Variants in GNAO1 observed in about 807,000 individuals in gnomAD.
The protein encoded by GNAO1 is G protein subunit alpha o1, also known as guanine nucleotide-binding protein G(o) subunit alpha.
For missense variants in GNAO1, 166 were observed against 478.7 expected (o/e 0.35, Z 6.10); for synonymous variants, 164 against 180.7 (o/e 0.91, Z 0.74).
At chr16:56,292,247 C>G (rs2037239933) in intron 3 of GNAO1, among the ~76,000 whole-genome samples, 1 of 152,204 alleles carries the variant, frequency 6.6e-6, no homozygotes, top group Non-Finnish European at 1.5e-5. Flanking sequence ...GAGCATCTCC[C>G]TGTGCCCACG....
chr16:56,324,056 A>G (rs1374604000), intron 3 of GNAO1, among the ~76,000 whole-genome samples: 1 of 151,888 alleles, frequency 6.6e-6, no homozygotes, highest in African/African-American at 2.4e-5. Flanking sequence ...CCAGCACAGG[A>G]CCCCTCCCCG....
At chr16:56,277,095 T>C (rs1449246725) in intron 3 of GNAO1, 1 of 152,260 alleles carries the variant, frequency 6.6e-6, no homozygotes, top group Non-Finnish European at 1.5e-5. Context: ...TGATATGTAA[T>C]GCACAAAATC....
chr16:56,204,671 A>G lies in GNAO1; in HGVS notation c.161+12055A>G, dbSNP rs573716112. Among the ~76,000 whole-genome samples, 12 of 152,318 alleles carry G rather than the reference A, an allele frequency of 7.9e-5. No individual in the cohort carries two copies. In the East Asian group the frequency reaches 2.1e-3, roughly 27 times the overall value. On this transcript the variant is annotated intron_variant, in intron 2 of 8. Coordinates refer to ENST00000262493, the MANE Select transcript of GNAO1 (RefSeq NM_020988.3). Reference sequence around the variant, plus strand: ...AGTTAGATAGTACTGAGGAAAGACCATTGTATTTGAAGCTATTGCGGGCTT... The same window carrying G: ...AGTTAGATAGTACTGAGGAAAGACCGTTGTATTTGAAGCTATTGCGGGCTT...
intron 2 of GNAO1, among the ~76,000 whole-genome samples, chr16:56,195,449 C>A (rs1020147390): frequency 6.6e-6 from 1 of 152,206 alleles, no homozygotes; most frequent in Non-Finnish European, 1.5e-5. Context: ...TCCTCCCTTG[C>A]AGAGATGGTT....
rs560378562 is a variant in GNAO1 at position 56,288,928 on chromosome 16, TC to T, written c.303+12861del. Reference sequence around the variant, plus strand: ...GAGGAACGACACCGAAGATCGCCCCTCCCCCACCCTACCTCCTTTTTAGTTC... The same window carrying T: ...GAGGAACGACACCGAAGATCGCCCCTCCCCACCCTACCTCCTTTTTAGTTC... On this transcript the variant is annotated intron_variant, in intron 3 of 8. Coordinates refer to ENST00000262493, the MANE Select transcript of GNAO1 (RefSeq NM_020988.3). 2.1e-4 allele frequency among the ~76,000 whole-genome samples: 31 copies of T among 150,240 alleles called. No homozygotes were observed. The East Asian group carries it at 5.4e-3, about 26-fold the overall frequency.
At chr16:56,350,920 C>T (rs550580976) in intron 6 of GNAO1, among the ~76,000 whole-genome samples, 39 of 152,112 alleles carry the variant, frequency 2.6e-4, no homozygotes, top group South Asian at 2.3e-3. Flanking sequence ...CACACAGGCA[C>T]GCACACACAC....
intron 3 of GNAO1, among the ~76,000 whole-genome samples, chr16:56,289,039 G>GT (rs1339425782): frequency 6.6e-6 from 1 of 152,088 alleles, no homozygotes; most frequent in African/African-American, 2.4e-5. Context: ...AAAAAGGGGG[G>GT]GGGAGCGGAA....
intron 4 of GNAO1, chr16:56,329,008 C>T: frequency 1.8e-6 from 1 of 547,084 alleles, no homozygotes; most frequent in Admixed American, 3.2e-5. Flanking sequence ...GCAGAGGACG[C>T]AAGAGACAAC....
intron 2 of GNAO1, among the ~76,000 whole-genome samples, chr16:56,235,960 AG>A (rs2036633551): frequency 1.3e-5 from 2 of 152,176 alleles, no homozygotes; most frequent in South Asian, 4.1e-4. Context: ...ATTTTCACAA[AG>A]GGGGATCAAG....
intron 2 of GNAO1, among the ~76,000 whole-genome samples, chr16:56,241,682 T>C (rs1250874938): frequency 3.3e-5 from 5 of 152,362 alleles, no homozygotes; most frequent in African/African-American, 1.2e-4. Context: ...TGGTATAGGC[T>C]ATGGCCAAAA....
chr16:56,263,423 A>G (rs1324442351), intron 2 of GNAO1, among the ~76,000 whole-genome samples: 2 of 152,200 alleles, frequency 1.3e-5, no homozygotes, highest in Admixed American at 1.3e-4. Context: ...GCTCACGTCG[A>G]TATGTGGGGA....
intron 3 of GNAO1, among the ~76,000 whole-genome samples, chr16:56,310,828 G>T (rs1320376494): frequency 6.6e-6 from 1 of 152,096 alleles, no homozygotes; most frequent in African/African-American, 2.4e-5. Context: ...AGGTGTTCTT[G>T]GTGGGTGGGT....
chr16:56,339,129 C>CA (rs2037772600), intron 6 of GNAO1, among the ~76,000 whole-genome samples: 1 of 152,258 alleles, frequency 6.6e-6, no homozygotes, highest in Admixed American at 6.5e-5. Context: ...GCCGTGGTGG[C>CA]AGCAAGAACA....
chr16:56,225,129 G>A (rs1222873348), intron 2 of GNAO1, among the ~76,000 whole-genome samples: 3 of 152,214 alleles, frequency 2.0e-5, no homozygotes, highest in African/African-American at 7.2e-5. Flanking sequence ...GGCAGCCACA[G>A]GAAAAGCCAT....
intron 3 of GNAO1, among the ~76,000 whole-genome samples, chr16:56,281,414 TCTC>T (rs1432230604): frequency 1.3e-5 from 2 of 152,102 alleles, no homozygotes; most frequent in African/African-American, 4.8e-5. Flanking sequence ...TGGACCCTCT[TCTC>T]CACCCCAGCG....
At chr16:56,290,040 T>G (rs1219822856) in intron 3 of GNAO1, among the ~76,000 whole-genome samples, 1 of 152,244 alleles carries the variant, frequency 6.6e-6, no homozygotes, top group African/African-American at 2.4e-5. Flanking sequence ...CCTTATCTCC[T>G]GTAGCTCCTG....
chr16:56,352,213 C>T (rs1414062199), intron 7 of GNAO1: 3 of 152,778 alleles, frequency 2.0e-5, no homozygotes, highest in African/African-American at 7.2e-5. Context: ...CTTTCTTCTG[C>T]CTTCTCTGGG....
rs139675970 is a variant in GNAO1 at position 56,287,782 on chromosome 16, G to T, written c.303+11710G>T. On this transcript the variant is annotated intron_variant, in intron 3 of 8. Coordinates refer to ENST00000262493, the MANE Select transcript of GNAO1 (RefSeq NM_020988.3). ...ACCTGCCCTCTTGCTGGCTTTGCAGGAGTGGAGCTGAGGAGAGCTGCTTCT... is the reference window on the plus strand; with the variant it reads ...ACCTGCCCTCTTGCTGGCTTTGCAGTAGTGGAGCTGAGGAGAGCTGCTTCT... 2.1e-3 allele frequency among the ~76,000 whole-genome samples: 325 copies of T among 152,254 alleles called. 4 individuals are homozygous for T. Among genetic ancestry groups the T allele is most frequent in the African/African-American group, 7.5e-3 (311 of 41,558 alleles).
rs2037854238 is a variant in GNAO1 at position 56,345,242 on chromosome 16, C to T, written c.724-6142C>T. 5 of 985,402 alleles carry T rather than the reference C, an allele frequency of 5.1e-6. No individual in the cohort carries two copies. In the African/African-American group the frequency reaches 7.0e-5, roughly 14 times the overall value. 61.0% of individuals were successfully genotyped at this position (985,402 alleles called of 1,614,324 possible). On this transcript the variant is annotated intron_variant, in intron 6 of 8. Coordinates refer to ENST00000262493, the MANE Select transcript of GNAO1 (RefSeq NM_020988.3). The stretch of plus-strand genomic sequence containing the variant: ...TCCAGGTGGCTGAGGCCAACGCCCA[C>T]ACCCAGGCCAGTCGTGTGCTTGTAC...
Sources: allele counts gnomAD v4.1 joint callset (sites outside exome capture counted in the v4.1 genomes callset), GRCh38; gene constraint gnomAD v4.1.1; transcripts MANE v1.5; gene names NCBI Gene and HGNC (gene_info 2026-07-23, HGNC 2026-07-21).